C8orf33: variants seen among roughly 807,000 people sequenced by gnomAD.
C8orf33 encodes the protein chromosome 8 open reading frame 33.
Under a neutral mutation model 25.7 loss-of-function variants are expected in C8orf33, and 28 were observed. That is an observed-to-expected ratio of 1.09 (90% confidence interval 0.81 to 1.49). The LOEUF (loss-of-function observed/expected upper bound fraction) is 1.49. C8orf33 is among the 40% of genes most tolerant of loss of function. The pLI, the probability that C8orf33 is intolerant of heterozygous loss-of-function variation, is 0.00. For missense variants in C8orf33, 369 were observed against 294.4 expected (o/e 1.25, Z -1.85); for synonymous variants, 153 against 115.9 (o/e 1.32, Z -2.06).
chr8:145,052,960 A>C, intron 2 of C8orf33, 63 bp downstream of exon 2: 1 of 1,601,424 alleles, frequency 6.2e-7, no homozygotes, highest in East Asian at 2.2e-5. Context: ...GGCACGTGTG[A>C]TCTGGGGTCC....
chr8:145,052,484 T>G lies in C8orf33; in HGVS notation c.-8T>G. ...CGCCCCGCGTAGTTCCGGTGGCGAC[T>G]GCGGCGCATGGCGGTGAGCGGTGTG... On this transcript the variant is annotated 5_prime_UTR_variant, in exon 1 of 5. Coordinates refer to ENST00000331434, the MANE Select transcript of C8orf33 (RefSeq NM_023080.3). The G allele has an allele frequency of 2.5e-6, 4 of 1,598,298 alleles. No homozygotes were observed. The highest frequency in any genetic ancestry group is 3.4e-6 in the Non-Finnish European group (4 of 1,179,260).
rs760117230 is a variant in C8orf33 at position 145,054,205 on chromosome 8, G to A, written c.*48G>A. 66 of 1,598,536 alleles carry A rather than the reference G, an allele frequency of 4.1e-5. 2 individuals carry two copies. In the Admixed American group the frequency reaches 1.1e-3, roughly 26 times the overall value. On this transcript the variant is annotated 3_prime_UTR_variant, in exon 5 of 5. Coordinates refer to ENST00000331434, the MANE Select transcript of C8orf33 (RefSeq NM_023080.3). ...TCCCCCTCCCTTGGGGTGGTGTAGG[G>A]GTTTGTTTTGAGTGCAGAGCCTTTC... is the stretch of plus-strand genomic sequence containing the variant.
At chr8:145,052,998 G>A in intron 2 of C8orf33, 64 bp from the exon 3 acceptor site, 1 of 1,610,660 alleles carries the variant, frequency 6.2e-7, no homozygotes, top group Non-Finnish European at 8.5e-7. Context: ...AGGGGCATGG[G>A]ATGGGGCCGG....
Position 145,053,102 on chromosome 8 carries a change from A to C in C8orf33, c.359A>C (p.Gln120Pro). The C allele has an allele frequency of 6.2e-7, 1 of 1,614,176 alleles. No homozygotes were observed. The highest frequency in any genetic ancestry group is 8.5e-7 in the Non-Finnish European group (1 of 1,180,034). Residue 120 changes from glutamine to proline, a missense_variant, in exon 3 of 5, where the codon CAA becomes CCA. Coordinates refer to ENST00000331434, the MANE Select transcript of C8orf33 (RefSeq NM_023080.3). Reference protein sequence around the residue: ...LAQELAWCVEQLELGLKRQKP... With the variant: ...LAQELAWCVEPLELGLKRQKP... ...CAGGAATTGGCTTGGTGTGTGGAGCAACTGGAGCTGGGCCTCAAGAGGCAG... is the reference window on the plus strand; with the variant it reads ...CAGGAATTGGCTTGGTGTGTGGAGCCACTGGAGCTGGGCCTCAAGAGGCAG...
chr8:145,053,539 TG>T, intron 4 of C8orf33, 96 bp downstream of exon 4: 1 of 1,302,654 alleles, frequency 7.7e-7, no homozygotes, highest in Non-Finnish European at 1.1e-6. Flanking sequence ...ACAAGCCTGG[TG>T]GGGGAAGGAG....
rs1835321754 is a variant in C8orf33 at position 145,054,139 on chromosome 8, T to G, written c.672T>G (p.Phe224Leu). ...KATLDMPDEE[F>L]RFNFF ...CTCTGGACATGCCTGATGAAGAGTT[T>G]AGGTTCAATTTCTTTTAGCGTCTCC... Residue 224 changes from phenylalanine (F) to leucine (L), a missense_variant, in exon 5 of 5, where the codon TTT becomes TTG. By Grantham distance (22) the Phe-to-Leu change is conservative. Transcript: ENST00000331434. 10 of 1,614,010 alleles carry G rather than the reference T, an allele frequency of 6.2e-6. No individual in the cohort carries two copies. In the South Asian group the frequency reaches 9.9e-5, roughly 16 times the overall value.
intron 3 of C8orf33, 75 bp downstream of exon 3, chr8:145,053,221 G>C (rs1835304881): frequency 3.7e-6 from 6 of 1,612,966 alleles, no homozygotes; most frequent in Non-Finnish European, 5.1e-6. Flanking sequence ...GCAGAGTATG[G>C]AGTTGTTGGC....
At chr8:145,052,985 G>C in intron 2 of C8orf33, 77 bp from the exon 3 acceptor site, 1 of 1,607,276 alleles carries the variant, frequency 6.2e-7, no homozygotes, top group Admixed American at 1.7e-5. Context: ...AGTTAAGGCG[G>C]GGAGGGGCAT....
intron 2 of C8orf33, 44 bp downstream of exon 2, chr8:145,052,941 G>A: frequency 6.3e-7 from 1 of 1,577,738 alleles, no homozygotes; most frequent in Non-Finnish European, 8.5e-7. Context: ...CCACGGGTGC[G>A]AATCCACGGG....
At chr8:145,053,209 T>G in intron 3 of C8orf33, 63 bp downstream of exon 3, 1 of 1,610,688 alleles carries the variant, frequency 6.2e-7, no homozygotes, top group Non-Finnish European at 8.5e-7. Flanking sequence ...CTGCAGGTGC[T>G]GGCAGAGTAT....
chr8:145,053,875 T>G, intron 4 of C8orf33, 143 bp from the exon 5 acceptor site: 1 of 1,031,558 alleles, frequency 9.7e-7, no homozygotes. Context: ...TGGGGGATGA[T>G]AGTAATATCA....
chr8:145,053,367 G>A lies in C8orf33; in HGVS notation c.474G>A (p.Leu158=). The A allele has an allele frequency of 6.2e-7, 1 of 1,614,232 alleles. No individual in the cohort carries two copies. The highest frequency in any genetic ancestry group is 8.5e-7 in the Non-Finnish European group (1 of 1,180,028). ...CGCCCTTGCCCCGGAAGAGGCAGCT[G>A]ATGCACTCCTTGTTTGGAGACTATA... ...KRTPLPRKRQ[L]MHSLFGDYRA... is the part of the protein sequence containing the mutation. Residue 158 remains leucine, a synonymous_variant, in exon 4 of 5, where the codon CTG becomes CTA. Transcript: ENST00000331434.
In C8orf33 at chr8:145,052,629, C is replaced by T. The variant is rs768849032; in HGVS notation, c.50C>T (p.Pro17Leu). ...LAGEAAAAPGPGTPCASRGAR... is the reference protein window; with the variant it reads ...LAGEAAAAPGLGTPCASRGAR... ...GGGGAGGCAGCGGCGGCCCCAGGCC[C>T]GGGTACTCCCTGCGCGTCCCGCGGA... The change falls in exon 2 of 5, where the codon CCG (proline) becomes CTG (leucine). Residue 17 changes from proline (P) to leucine (L), a missense_variant. By Grantham distance (98) the Pro-to-Leu change is moderately conservative. Coordinates refer to ENST00000331434, the MANE Select transcript of C8orf33 (RefSeq NM_023080.3). 31 of 1,611,154 alleles carry T rather than the reference C, an allele frequency of 1.9e-5. No individual in the cohort carries two copies. The highest frequency in any genetic ancestry group is 2.5e-5 in the Non-Finnish European group (30 of 1,179,910).
chr8:145,053,073 G>T lies in C8orf33; in HGVS notation c.330G>T (p.Leu110Phe). 3.1e-6 allele frequency: 5 copies of T among 1,614,158 alleles called. No individual in the cohort carries two copies. The highest frequency in any genetic ancestry group is 4.2e-6 in the Non-Finnish European group (5 of 1,180,024). The change falls in exon 3 of 5, where the codon TTG (leucine) becomes TTT (phenylalanine). Residue 110 changes from leucine to phenylalanine, a missense_variant. Transcript: ENST00000331434. The part of the protein sequence containing the change: ...PLSAEAQAQQ[L>F]AQELAWCVEQ... ...CAAATCCATCACAGGCACAACAGTTGGCCCAGGAATTGGCTTGGTGTGTGG... is the reference window on the plus strand; with the variant it reads ...CAAATCCATCACAGGCACAACAGTTTGCCCAGGAATTGGCTTGGTGTGTGG...
chr8:145,053,737 A>G (rs1835314811), intron 4 of C8orf33: 3 of 578,832 alleles, frequency 5.2e-6, no homozygotes, highest in Non-Finnish European at 9.1e-6. Flanking sequence ...GGCTTTCTCT[A>G]CTAGCAATGA....
chr8:145,053,010 G>T, intron 2 of C8orf33, 52 bp from the exon 3 acceptor site: 1 of 1,612,552 alleles, frequency 6.2e-7, no homozygotes, highest in Non-Finnish European at 8.5e-7. Context: ...TGGGGCCGGC[G>T]GCTATGGTTT....
chr8:145,052,738 T>C lies in C8orf33; in HGVS notation c.159T>C (p.Ala53=). The C allele has an allele frequency of 6.2e-7, 1 of 1,614,068 alleles. No individual in the cohort carries two copies. Among genetic ancestry groups the C allele is most frequent in the African/African-American group, 1.3e-5 (1 of 74,996 alleles). The change falls in exon 2 of 5, where the codon GCT becomes GCC. Residue 53 remains alanine (A), a synonymous_variant. Transcript: ENST00000331434. ...CAGAGCAACCTACGTGCAGTAACGCTGACTCCAGAGCGCACCCGTTGGGCG... is the reference window on the plus strand; with the variant it reads ...CAGAGCAACCTACGTGCAGTAACGCCGACTCCAGAGCGCACCCGTTGGGCG... ...LCPEQPTCSN[A]DSRAHPLGDE...
rs868411265 is a variant in C8orf33, at chr8:145,052,668, G to T, written c.89G>T (p.Gly30Val). ...GCGTCCCGCGGAGCCCGGCTTCCCG[G>T]CCCAGTTTCCAGCGCCCGGAATCCT... ...PCASRGARLP[G>V]PVSSARNPST... The change falls in exon 2 of 5, where the codon GGC (glycine) becomes GTC (valine). Residue 30 changes from glycine to valine, a missense_variant. Gly to Val is a moderately radical substitution (Grantham distance 109, BLOSUM62 -3). Transcript: ENST00000331434. 5.0e-6 allele frequency: 8 copies of T among 1,613,550 alleles called. No individual in the cohort carries two copies. Among genetic ancestry groups the T allele is most frequent in the South Asian group, 1.1e-5 (1 of 91,090 alleles).
Position 145,054,698 on chromosome 8 carries a change from C to T in C8orf33, c.*541C>T, listed in dbSNP as rs1201051729. The T allele has an allele frequency of 2.6e-5, 4 of 152,956 alleles. No individual in the cohort carries two copies. Among genetic ancestry groups the T allele is most frequent in the Non-Finnish European group, 5.8e-5 (4 of 68,672 alleles). 9.5% of individuals were successfully genotyped at this position (152,956 alleles called of 1,614,324 possible). ...TGTGGTATCCCTGGGTCCAGTCCCT[C>T]ACCTGGTACCTTTGTGCATGTTGCC... is the stretch of plus-strand genomic sequence containing the variant. On this transcript the variant is annotated 3_prime_UTR_variant, in exon 5 of 5. Coordinates refer to ENST00000331434, the MANE Select transcript of C8orf33 (RefSeq NM_023080.3).
Sources: allele counts gnomAD v4.1 joint callset, GRCh38; gene constraint gnomAD v4.1.1; transcripts MANE v1.5; gene names NCBI Gene and HGNC (gene_info 2026-07-23, HGNC 2026-07-21).